The following MIER3 variants were observed in gnomAD, a reference collection of about 807,000 sequenced individuals.
MIER3 encodes mesoderm induction early response protein 3.
Under a neutral mutation model 63.2 loss-of-function variants are expected in MIER3, and 9 were observed. The ratio of observed to expected loss-of-function variants is 0.14; its 90% CI spans 0.09 to 0.25. The LOEUF is 0.25. Ranked by LOEUF, MIER3 falls within the 10% of genes least tolerant of loss-of-function variation. The pLI is 1.00. For missense variants in MIER3, 512 were observed against 666.2 expected (o/e 0.77, Z 2.55); for synonymous variants, 205 against 224.9 (o/e 0.91, Z 0.79).
At chr5:56,924,969 G>C (rs1189976459) in intron 10 of MIER3, among the ~76,000 whole-genome samples, 1 of 152,292 alleles carries the variant, frequency 6.6e-6, no homozygotes, top group East Asian at 1.9e-4. Flanking sequence ...GAGAATGCAG[G>C]CTTCGTGGGG....
At chr5:56,928,969 T>A (rs11747763) in intron 9 of MIER3, 108 bp from the exon 10 acceptor site, 291,101 of 549,764 alleles carry the variant, frequency 0.53, 82,896 homozygotes, top group Non-Finnish European at 0.62. Flanking sequence ...TCTCTCTCTC[T>A]CACACACACA....
chr5:56,923,851 G>A lies in MIER3; in HGVS notation c.1053-18C>T, dbSNP rs1203267484. 2.5e-6 allele frequency: 4 copies of A among 1,614,054 alleles called. No individual in the cohort carries two copies. Among genetic ancestry groups the A allele is most frequent in the Non-Finnish European group, 3.4e-6 (4 of 1,179,980 alleles). Reference sequence around the variant, plus strand: ...TATAGTCCCTGAAAAACACACCCCAGTAATTTTATGACTATATATTACAGT... The same window carrying A: ...TATAGTCCCTGAAAAACACACCCCAATAATTTTATGACTATATATTACAGT... On this transcript the variant is annotated intron_variant, in intron 11 of 12. Coordinates refer to ENST00000381199, the MANE Select transcript of MIER3 (RefSeq NM_001297599.2).
chr5:56,930,671 G>T lies in MIER3; in HGVS notation c.822C>A (p.Ala274=), dbSNP rs560817959. 6.2e-7 allele frequency: 1 copy of T among 1,613,536 alleles called. No individual in the cohort carries two copies. Among genetic ancestry groups the T allele is most frequent in the Admixed American group, 1.7e-5 (1 of 59,996 alleles). ...AACCCAAGTGTTTCTTACCTTGAGA[G>T]GCCTTTCCATTGCAGCAGTATCTTT... is the stretch of plus-strand genomic sequence containing the variant. ...AIERYCCNGK[A]SQEGMTAWTE... The change falls in exon 9 of 13, where the codon GCC becomes GCA. Residue 274 remains alanine (A), a synonymous_variant. Coordinates refer to ENST00000381199, the MANE Select transcript of MIER3 (RefSeq NM_001297599.2).
chr5:56,935,741 T>G lies in MIER3; in HGVS notation c.447A>C (p.Ala149=), dbSNP rs759626957. 3 of 1,613,404 alleles carry G rather than the reference T, an allele frequency of 1.9e-6. No individual in the cohort carries two copies. Among genetic ancestry groups the G allele is most frequent in the Admixed American group, 3.3e-5 (2 of 59,828 alleles). The change falls in exon 6 of 13, where the codon GCA becomes GCC. Residue 149 remains alanine, a synonymous_variant. Transcript: ENST00000381199. ...CCTCTGATTCCTTATCACCATCACA[T>G]GCAGTATTTGCTTAAAAGACAAAAA... ...FFPRPLRSNT[A]CDGDKESEVE...
At chr5:56,935,543 A>G (rs1579850555) in intron 6 of MIER3, 43 bp from the exon 7 acceptor site, 2 of 1,530,672 alleles carry the variant, frequency 1.3e-6, no homozygotes, top group East Asian at 4.5e-5. Context: ...TTAAAAAAAA[A>G]ATACTGAAAA....
chr5:56,942,959 G>T (rs1027159819), intron 3 of MIER3, among the ~76,000 whole-genome samples: 2 of 152,032 alleles, frequency 1.3e-5, no homozygotes, highest in African/African-American at 4.8e-5. Flanking sequence ...CCTGGGCATT[G>T]CAAGACCCCT....
chr5:56,924,345 T>C lies in MIER3; in HGVS notation c.925-303A>G, dbSNP rs531142944. ...CACCTTCACTGAAAATCTTAAACAC[T>C]AGCATTCTTTACTTTTCTTTACTGA... On this transcript the variant is annotated intron_variant, in intron 10 of 12. Transcript: ENST00000381199. 5.9e-5 allele frequency among the ~76,000 whole-genome samples: 9 copies of C among 152,312 alleles called. No homozygotes were observed. The South Asian group carries it at 1.2e-3, about 21-fold the overall frequency.
At chr5:56,938,483 TC>T in intron 4 of MIER3, 1 of 421,054 alleles carries the variant, frequency 2.4e-6, no homozygotes, top group South Asian at 1.8e-5. Context: ...CCGCTGTCAC[TC>T]CCAGAGCCAA....
Position 56,935,462 on chromosome 5 carries a change from G to T in MIER3, c.561C>A (p.Pro187=). Reference sequence around the variant, plus strand: ...TACCATCGTACTCTCCAAGATAAGGGGGAATCTCTGCCTGATATTGTAAAC... The same window carrying T: ...TACCATCGTACTCTCCAAGATAAGGTGGAATCTCTGCCTGATATTGTAAAC... The part of the protein sequence containing the change: ...MIGLQYQAEI[P]PYLGEYDGNE... Residue 187 remains proline (P), a synonymous_variant, in exon 7 of 13, where the codon CCC becomes CCA. Transcript: ENST00000381199. The T allele has an allele frequency of 1.3e-6, 2 of 1,595,086 alleles. No homozygotes were observed. Among genetic ancestry groups the T allele is most frequent in the South Asian group, 1.2e-5 (1 of 85,720 alleles).
In MIER3 at chr5:56,928,757, C is replaced by A. The variant is rs1438566882; in HGVS notation, c.924+10G>T. 1 of 1,588,374 alleles carries A rather than the reference C, an allele frequency of 6.3e-7. No individual in the cohort carries two copies. The highest frequency in any genetic ancestry group is 8.6e-7 in the Non-Finnish European group (1 of 1,158,136). On this transcript the variant is annotated intron_variant, in intron 10 of 12. Transcript: ENST00000381199. ...CTAGTAATTTATCTGTACTAATCTG[C>A]CTAATTTACCTTATTCTTCTGTATA...
intron 7 of MIER3, among the ~76,000 whole-genome samples, chr5:56,933,996 A>G (rs1327676766): frequency 6.6e-6 from 1 of 152,142 alleles, no homozygotes; most frequent in African/African-American, 2.4e-5. Context: ...TCTCTTAAAG[A>G]CACTGATATA....
At chr5:56,934,724 GA>G (rs34749493) in intron 7 of MIER3, among the ~76,000 whole-genome samples, 49,663 of 151,854 alleles carry the variant, frequency 0.33, 8,827 homozygotes, top group East Asian at 0.54. Flanking sequence ...TGGAGGAAAG[GA>G]AAAAAGAAGG....
At chr5:56,944,101 A>G (rs1294043262) in intron 3 of MIER3, among the ~76,000 whole-genome samples, 1 of 151,992 alleles carries the variant, frequency 6.6e-6, no homozygotes, top group African/African-American at 2.4e-5. Flanking sequence ...TCCCTCACAT[A>G]TCAGAATCAG....
intron 7 of MIER3, among the ~76,000 whole-genome samples, chr5:56,933,906 G>A (rs1304761760): frequency 1.3e-5 from 2 of 151,836 alleles, no homozygotes; most frequent in East Asian, 1.9e-4. Context: ...TTATTTAAAG[G>A]AGAAAATAGA....
chr5:56,940,405 T>C (rs1466581839), intron 3 of MIER3, among the ~76,000 whole-genome samples: 1 of 152,196 alleles, frequency 6.6e-6, no homozygotes, highest in Non-Finnish European at 1.5e-5. Flanking sequence ...CAAAGTGACC[T>C]GAGAAGAGCC....
At chr5:56,943,326 G>A (rs2112137588) in intron 3 of MIER3, among the ~76,000 whole-genome samples, 1 of 137,980 alleles carries the variant, frequency 7.2e-6, no homozygotes, top group Admixed American at 7.6e-5. Flanking sequence ...GGATTCTTAT[G>A]TGGAAATTTA....
At chr5:56,940,658 T>A (rs1047876250) in intron 3 of MIER3, among the ~76,000 whole-genome samples, 2 of 152,244 alleles carry the variant, frequency 1.3e-5, no homozygotes, top group African/African-American at 4.8e-5. Context: ...AGCTTGGGAT[T>A]TAAATCAACC....
At chr5:56,939,070 T>C in intron 3 of MIER3, 53 bp from the exon 4 acceptor site, 1 of 1,594,892 alleles carries the variant, frequency 6.3e-7, no homozygotes, top group East Asian at 2.2e-5. Context: ...AATACTGAAC[T>C]GCAGGTAAAC....
Position 56,924,059 on chromosome 5 carries a change from A to G in MIER3, c.925-17T>C. 2 of 1,588,288 alleles carry G rather than the reference A, an allele frequency of 1.3e-6. No individual in the cohort carries two copies. The highest frequency in any genetic ancestry group is 1.7e-6 in the Non-Finnish European group (2 of 1,171,022). On this transcript the variant is annotated splice_polypyrimidine_tract_variant and intron_variant, in intron 10 of 12. Transcript: ENST00000381199. Reference sequence around the variant, plus strand: ...AGTTCTCACCTAATGAAAAAGTTGAATTTTTAAAAAACCAACAAACTCAAC... The same window carrying G: ...AGTTCTCACCTAATGAAAAAGTTGAGTTTTTAAAAAACCAACAAACTCAAC...
Sources: gnomAD v4.1 joint callset for allele counts (sites outside exome capture counted in the v4.1 genomes callset) on GRCh38, gnomAD v4.1.1 for gene constraint, MANE v1.5 for transcripts, NCBI Gene and HGNC (gene_info 2026-07-23, HGNC 2026-07-21) for gene names.